Variants in SNRPG observed in about 807,000 individuals in gnomAD.
SNRPG encodes small nuclear ribonucleoprotein polypeptide G, also known as small nuclear ribonucleoprotein G.
SNRPG carries 3 observed loss-of-function variants against 13.9 expected under a neutral mutation model. The ratio of observed to expected loss-of-function variants is 0.22; its 90% CI spans 0.10 to 0.56. The LOEUF (loss-of-function observed/expected upper bound fraction) is 0.56. Among genes scored for constraint, SNRPG ranks in the 20% least tolerant of loss-of-function variants. The probability of loss-of-function intolerance (pLI) is 0.93; values close to 1 mark genes in which losing one functional copy is unlikely to be tolerated. For synonymous variants in SNRPG, 29 were observed against 29.3 expected (o/e 0.99, Z 0.03); for missense variants, 34 against 96.1 (o/e 0.35, Z 2.70).
At chr2:70,282,300 T>G (rs1473791917) in intron 3 of SNRPG, among the ~76,000 whole-genome samples, 1 of 152,182 alleles carries the variant, frequency 6.6e-6, no homozygotes, top group East Asian at 1.9e-4. Flanking sequence ...GAGTAAAATA[T>G]GTACAGTAGA....
At chr2:70,289,050 A>C (rs1031803142) in intron 2 of SNRPG, among the ~76,000 whole-genome samples, 1 of 152,028 alleles carries the variant, frequency 6.6e-6, no homozygotes, top group Non-Finnish European at 1.5e-5. Context: ...TCCTGGGTTC[A>C]TGCCATTCTC....
rs1361968074 is a variant in SNRPG, at chr2:70,288,170, A to T, written c.78T>A (p.His26Gln). The T allele has an allele frequency of 1.2e-6, 2 of 1,612,506 alleles. No homozygotes were observed. The highest frequency in any genetic ancestry group is 2.7e-5 in the African/African-American group (2 of 74,914). ...CAAATCCCCGCAATATTCCTTGGAC[A>T]TGTCTGCCACCATTTAATTTCACTA... ...KLSLKLNGGRHVQGILRGFDP... is the reference protein window; with the variant it reads ...KLSLKLNGGRQVQGILRGFDP... The change falls in exon 3 of 4, where the codon CAT becomes CAA. Residue 26 changes from histidine to glutamine, a missense_variant. Physicochemically the swap from His to Gln is conservative, Grantham distance 24. Transcript: ENST00000272348.
intron 3 of SNRPG, among the ~76,000 whole-genome samples, chr2:70,283,123 AACAAC>A (rs1696853318): frequency 1.2e-5 from 1 of 85,694 alleles, no homozygotes; most frequent in African/African-American, 4.1e-5. Context: ...AAAAAAAAAA[AACAAC>A]AAACCAAAAC....
At chr2:70,290,599 A>T (rs1037832489) in intron 1 of SNRPG, among the ~76,000 whole-genome samples, 1 of 152,018 alleles carries the variant, frequency 6.6e-6, no homozygotes, top group Non-Finnish European at 1.5e-5. Flanking sequence ...TGGGGCACTT[A>T]TTCAATTTTA....
intron 1 of SNRPG, 129 bp from the exon 2 acceptor site, chr2:70,289,501 AAAT>A (rs1308986131): frequency 1.7e-6 from 1 of 577,918 alleles, no homozygotes; most frequent in African/African-American, 1.9e-5. Flanking sequence ...AAAATAGTAA[AAAT>A]AATGTATTGC....
intron 2 of SNRPG, among the ~76,000 whole-genome samples, chr2:70,289,092 A>G (rs1446065248): frequency 6.6e-6 from 1 of 151,974 alleles, no homozygotes; most frequent in Non-Finnish European, 1.5e-5. Context: ...CTGGGACTAC[A>G]GGCGCCCGCC....
At chr2:70,286,810 T>C (rs1299519902) in intron 3 of SNRPG, among the ~76,000 whole-genome samples, 1 of 152,246 alleles carries the variant, frequency 6.6e-6, no homozygotes, top group African/African-American at 2.4e-5. Context: ...TCTTCCTGAA[T>C]CCTTTTCAGC....
rs765099160 is a variant in SNRPG, at chr2:70,281,600, G to C, written c.*34C>G. On this transcript the variant is annotated 3_prime_UTR_variant, in exon 4 of 4. Coordinates refer to ENST00000272348, the MANE Select transcript of SNRPG (RefSeq NM_003096.4). ...CATAGTAAAACAGGCCCTATGGAGA[G>C]AGGACATGGGTTTCTCTGCTGAACA... The C allele has an allele frequency of 1.1e-5, 15 of 1,324,314 alleles. No homozygotes were observed. In the South Asian group the frequency reaches 1.9e-4, roughly 17 times the overall value. The allele number at this position is 1,324,314 out of a possible 1,614,324, so 82.0% of individuals were successfully genotyped here.
At position 70,281,697 on chromosome 2, in the gene SNRPG, AAAAT is replaced by A; in HGVS notation, c.181-17_181-14del. ...TTCCTCGTATTACCTAAGAAAGAGA[AAAAT>A]AAATTTGAAAAGAACAACTCAGGTA... On this transcript the variant is annotated splice_polypyrimidine_tract_variant and intron_variant, in intron 3 of 3. Coordinates refer to ENST00000272348, the MANE Select transcript of SNRPG (RefSeq NM_003096.4). The A allele has an allele frequency of 1.4e-6, 2 of 1,469,236 alleles. No homozygotes were observed. The highest frequency in any genetic ancestry group is 1.9e-6 in the Non-Finnish European group (2 of 1,056,124). The allele number at this position is 1,469,236 out of a possible 1,614,324, so 91.0% of individuals were successfully genotyped here.
At chr2:70,290,629 G>A (rs1229574849) in intron 1 of SNRPG, among the ~76,000 whole-genome samples, 1 of 151,724 alleles carries the variant, frequency 6.6e-6, no homozygotes, top group Non-Finnish European at 1.5e-5. Flanking sequence ...ATTATCATGG[G>A]AAAATGTAAA....
chr2:70,293,067 G>A (rs928821061), intron 1 of SNRPG: 4 of 698,318 alleles, frequency 5.7e-6, no homozygotes, highest in Admixed American at 4.1e-5. Flanking sequence ...CAACATCAGA[G>A]CAAGATAACA....
intron 3 of SNRPG, 94 bp downstream of exon 3, chr2:70,287,974 A>G: frequency 8.5e-7 from 1 of 1,174,996 alleles, no homozygotes; most frequent in East Asian, 2.3e-5. Context: ...CTTGCCTGTT[A>G]TTTGCCATTT....
intron 1 of SNRPG, 71 bp downstream of exon 1, chr2:70,293,547 G>T: frequency 1.6e-6 from 2 of 1,279,854 alleles, no homozygotes; most frequent in Non-Finnish European, 2.3e-6. Flanking sequence ...TTCGGCTAAC[G>T]GAGAGGGAAC....
At chr2:70,290,004 CTTTTT>C (rs56861344) in intron 1 of SNRPG, among the ~76,000 whole-genome samples, 1 of 130,912 alleles carries the variant, frequency 7.6e-6, no homozygotes, top group Non-Finnish European at 1.7e-5. Flanking sequence ...AAATTTCTTT[CTTTTT>C]TTTTTTTTTT....
intron 3 of SNRPG, among the ~76,000 whole-genome samples, chr2:70,285,358 G>A (rs1696914680): frequency 6.6e-6 from 1 of 152,128 alleles, no homozygotes; most frequent in Admixed American, 6.6e-5. Flanking sequence ...TGGCTCATGC[G>A]GTCAGGAGTT....
At chr2:70,288,340 T>C (rs540663528) in intron 2 of SNRPG, 148 bp from the exon 3 acceptor site, 27 of 643,500 alleles carry the variant, frequency 4.2e-5, no homozygotes, top group African/African-American at 4.0e-4. Flanking sequence ...TAAACATTTT[T>C]GTATTTACTT....
intron 1 of SNRPG, chr2:70,293,034 A>T (rs1295942404): frequency 3.2e-6 from 2 of 629,642 alleles, no homozygotes; most frequent in South Asian, 3.5e-5. Flanking sequence ...AAAAAAAGAA[A>T]AATGAATGTT....
intron 1 of SNRPG, 49 bp from the exon 2 acceptor site, chr2:70,289,421 A>G: frequency 4.0e-6 from 4 of 1,002,818 alleles, no homozygotes; most frequent in Non-Finnish European, 4.5e-6. Flanking sequence ...AAAAAATTTA[A>G]GCATAAACAA....
Position 70,288,208 on chromosome 2 carries a change from A to T in SNRPG, c.56-16T>A, listed in dbSNP as rs1573994914. The T allele has an allele frequency of 6.2e-7, 1 of 1,609,738 alleles. No homozygotes were observed. The highest frequency in any genetic ancestry group is 2.2e-5 in the East Asian group (1 of 44,846). On this transcript the variant is annotated splice_polypyrimidine_tract_variant and intron_variant, in intron 2 of 3. Coordinates refer to ENST00000272348, the MANE Select transcript of SNRPG (RefSeq NM_003096.4). The stretch of plus-strand genomic sequence containing the variant: ...TTTAATTTCACTATTAAAAAGAGAA[A>T]AAGAAGTTTTAGAAAAACATTCCAT...
Sources: allele counts gnomAD v4.1 joint callset (sites outside exome capture counted in the v4.1 genomes callset), GRCh38; gene constraint gnomAD v4.1.1; transcripts MANE v1.5; gene names NCBI Gene and HGNC (gene_info 2026-07-23, HGNC 2026-07-21).